Variants in SLC4A5 observed in about 807,000 individuals in gnomAD.
SLC4A5 encodes solute carrier family 4 member 5, also known as electrogenic sodium bicarbonate cotransporter 4.
Under a neutral mutation model 120.4 loss-of-function variants are expected in SLC4A5, and 96 were observed. The ratio of observed to expected loss-of-function variants is 0.80; its 90% CI spans 0.68 to 0.94. The LOEUF (loss-of-function observed/expected upper bound fraction) is 0.94, where lower values mean the gene tolerates loss of function less well. SLC4A5 is among the 40% of genes least tolerant of loss of function. The pLI, the probability that SLC4A5 is intolerant of heterozygous loss-of-function variation, is 0.00. For missense variants in SLC4A5, 1,259 were observed against 1,459.5 expected, an observed-to-expected ratio of 0.86 and a Z score of 2.24; for synonymous variants, 550 against 571.1, an observed-to-expected ratio of 0.96 and a Z score of 0.53.
intron 11 of SLC4A5, among the ~76,000 whole-genome samples, chr2:74,261,590 T>C (rs1671137371): frequency 6.6e-6 from 1 of 152,184 alleles, no homozygotes; most frequent in African/African-American, 2.4e-5. Context: ...CGCCTGTCTG[T>C]GTATCCCTGA....
exon 7 of SLC4A5, chr2:74,304,659 C>T (rs1672584227): frequency 6.2e-7 from 1 of 1,613,762 alleles, no homozygotes; most frequent in Non-Finnish European, 8.5e-7. Flanking sequence ...TACTGGAAGC[C>T]CAATGTGGAT....
chr2:74,256,999 C>T (rs1231946568), intron 12 of SLC4A5, among the ~76,000 whole-genome samples: 1 of 152,152 alleles, frequency 6.6e-6, no homozygotes, highest in Admixed American at 6.5e-5. Context: ...CAGTCTTTCC[C>T]GCGGGCACAG....
intron 7 of SLC4A5, among the ~76,000 whole-genome samples, chr2:74,299,168 T>C (rs1399312041): frequency 6.6e-6 from 1 of 152,094 alleles, no homozygotes; most frequent in African/African-American, 2.4e-5. Context: ...CTGACCAACA[T>C]GGAGAAACCC....
At chr2:74,264,640 A>G (rs924370228) in intron 9 of SLC4A5, among the ~76,000 whole-genome samples, 2 of 152,160 alleles carry the variant, frequency 1.3e-5, no homozygotes, top group Non-Finnish European at 2.9e-5. Context: ...CTCTTTTTAG[A>G]AAAGTATTTT....
chr2:74,285,920 C>A lies in SLC4A5; in HGVS notation c.272-18G>T. On this transcript the variant is annotated intron_variant, in intron 7 of 30. Transcript: ENST00000394019. ...TGGGGACCCTGCAAAAGAGGGGCAGCAGGTCTGCTGAGTGTCCCATGGAAG... is the reference window on the plus strand; with the variant it reads ...TGGGGACCCTGCAAAAGAGGGGCAGAAGGTCTGCTGAGTGTCCCATGGAAG... 1 of 1,575,542 alleles carries A rather than the reference C, an allele frequency of 6.3e-7. No individual in the cohort carries two copies. The highest frequency in any genetic ancestry group is 1.4e-5 in the African/African-American group (1 of 74,010).
chr2:74,322,794 A>T (rs567090714), intron 5 of SLC4A5, among the ~76,000 whole-genome samples: 2 of 152,166 alleles, frequency 1.3e-5, no homozygotes, highest in Non-Finnish European at 2.9e-5. Context: ...AACTCCTCAC[A>T]CTTTGCTAGA....
In SLC4A5 at chr2:74,253,500, C is replaced by T. The variant is rs533126793; in HGVS notation, c.1114-372G>A. On this transcript the variant is annotated intron_variant, in intron 14 of 30. Coordinates refer to ENST00000394019, the Ensembl canonical transcript of SLC4A5. ...TAACCATTTTTTACTTCCAGCCCTT[C>T]GCCCTTGGAGGCTCAGGCCGTGTTC... 9.7e-4 allele frequency among the ~76,000 whole-genome samples: 148 copies of T among 152,292 alleles called. 1 individual carries two copies. The highest frequency in any genetic ancestry group is 2.3e-3 in the East Asian group (12 of 5,174).
intron 20 of SLC4A5, among the ~76,000 whole-genome samples, chr2:74,240,013 AAATTT>A (rs1670387553): frequency 6.7e-6 from 1 of 148,566 alleles, no homozygotes; most frequent in Non-Finnish European, 1.5e-5. Flanking sequence ...TTTTATATAT[AAATTT>A]ATTTATATAT....
rs1673229987 is a variant in SLC4A5, at chr2:74,326,901, C to G, written c.-3+1219G>C. 2.0e-5 allele frequency among the ~76,000 whole-genome samples: 3 copies of G among 152,214 alleles called. No individual in the cohort carries two copies. In the South Asian group the frequency reaches 6.2e-4, roughly 32 times the overall value. On this transcript the variant is annotated intron_variant, in intron 5 of 30. Transcript: ENST00000394019. ...TCCTTGCCCAAGCAGACTGCATGCC[C>G]AAAGCAGCAAGGTGGTGGTGACACA...
chr2:74,227,648 G>A lies in SLC4A5; in HGVS notation c.2916+162C>T. 4 of 1,221,236 alleles carry A rather than the reference G, an allele frequency of 3.3e-6. No homozygotes were observed. The South Asian group carries it at 4.0e-5, about 12-fold the overall frequency. The allele number at this position is 1,221,236 out of a possible 1,614,324, so 75.6% of individuals were successfully genotyped here. A position where few individuals can be genotyped will look rare whatever the true frequency, so the allele number is the denominator to read the frequency against. On this transcript the variant is annotated intron_variant, in intron 26 of 30. Transcript: ENST00000394019. ...AGTGCCTAACATATTTATTTTGCCT[G>A]ATAGCATCAGTAAGTGGTAGTATCA...
chr2:74,296,475 A>G (rs1672329380), intron 7 of SLC4A5, among the ~76,000 whole-genome samples: 1 of 151,934 alleles, frequency 6.6e-6, no homozygotes, highest in Non-Finnish European at 1.5e-5. Context: ...AAGAAAGCCA[A>G]TTGTCGGCCA....
intron 3 of SLC4A5, among the ~76,000 whole-genome samples, chr2:74,337,405 AC>A (rs1463393873): frequency 6.6e-6 from 1 of 151,930 alleles, no homozygotes; most frequent in East Asian, 1.9e-4. Context: ...CCTGCACTCC[AC>A]CCCACCCCAA....
chr2:74,296,990 A>G (rs1158317778), intron 7 of SLC4A5, among the ~76,000 whole-genome samples: 3 of 152,126 alleles, frequency 2.0e-5, no homozygotes, highest in Non-Finnish European at 4.4e-5. Flanking sequence ...GTGAGGTTCC[A>G]GTGTCTTAAT....
Position 74,255,651 on chromosome 2 carries a change from T to C in SLC4A5, c.1025+124A>G. 5 of 1,152,294 alleles carry C rather than the reference T, an allele frequency of 4.3e-6. No homozygotes were observed. Among genetic ancestry groups the C allele is most frequent in the Non-Finnish European group, 6.1e-6 (5 of 821,178 alleles). The allele number at this position is 1,152,294 out of a possible 1,614,324, so 71.4% of individuals were successfully genotyped here. On this transcript the variant is annotated intron_variant, in intron 13 of 30. Coordinates refer to ENST00000394019, the Ensembl canonical transcript of SLC4A5. The surrounding 1 kb of genome is among the most constrained non-coding windows in gnomAD (Gnocchi z 4.0). ...TCTTCCCTAGTCAGAAGATTTCCCT[T>C]CCCAGCAGCCTCCACGTTTAGAGGT...
intron 5 of SLC4A5, among the ~76,000 whole-genome samples, chr2:74,320,582 C>A (rs141427601): frequency 1.9e-3 from 293 of 152,208 alleles, no homozygotes; most frequent in Non-Finnish European, 3.2e-3. Context: ...AGAATAGGGG[C>A]ATTTTCAGAC....
At chr2:74,254,306 G>A (rs902994718) in intron 14 of SLC4A5, among the ~76,000 whole-genome samples, 1 of 152,136 alleles carries the variant, frequency 6.6e-6, no homozygotes, top group African/African-American at 2.4e-5. Flanking sequence ...TTGCCTCACA[G>A]CCTGGTGCTG....
intron 6 of SLC4A5, among the ~76,000 whole-genome samples, chr2:74,312,229 A>ATG (rs1184650717): frequency 1.0e-4 from 15 of 150,024 alleles, no homozygotes; most frequent in African/African-American, 3.5e-4. Flanking sequence ...ATATCTCTAT[A>ATG]TGTGTGTGTG....
At chr2:74,220,770 C>G (rs1312021953) in intron 30 of SLC4A5, among the ~76,000 whole-genome samples, 2 of 151,192 alleles carry the variant, frequency 1.3e-5, no homozygotes, top group East Asian at 3.9e-4. Context: ...CCCGCCTCAG[C>G]CTCCCAAAGT....
chr2:74,284,162 C>CTTTTTTTTTTTT (rs1182761794), intron 8 of SLC4A5, among the ~76,000 whole-genome samples: 2 of 81,088 alleles, frequency 2.5e-5, no homozygotes, highest in African/African-American at 7.6e-5. Flanking sequence ...TTCCTTATTT[C>CTTTTTTTTTTTT]TTTTTTTTTT....
Sources: gnomAD v4.1 joint callset for allele counts (sites outside exome capture counted in the v4.1 genomes callset) on GRCh38, gnomAD v4.1.1 for gene constraint, Gnocchi (gnomAD v3.1) non-coding constraint, MANE v1.5 for transcripts, NCBI Gene and HGNC (gene_info 2026-07-23, HGNC 2026-07-21) for gene names.